Variants in EYA2 observed in about 807,000 individuals in gnomAD.
EYA2 encodes the protein EYA transcriptional coactivator and phosphatase 2.
Under a neutral mutation model 69.2 loss-of-function variants are expected in EYA2, and 31 were observed. The observed-to-expected ratio is 0.45, with a 90% CI of 0.34 to 0.60. The LOEUF (loss-of-function observed/expected upper bound fraction) is 0.60, where lower values mean the gene tolerates loss of function less well. Ranked by LOEUF, EYA2 falls within the 20% of genes least tolerant of loss-of-function variation. The probability of loss-of-function intolerance (pLI) is 0.02; values close to 1 mark genes in which losing one functional copy is unlikely to be tolerated. For missense variants in EYA2, 622 were observed against 701.2 expected, an observed-to-expected ratio of 0.89 and a Z score of 1.28; for synonymous variants, 257 against 279.4, an observed-to-expected ratio of 0.92 and a Z score of 0.80.
chr20:47,062,431 C>T (rs576016017), intron 5 of EYA2, among the ~76,000 whole-genome samples: 1 of 152,254 alleles, frequency 6.6e-6, no homozygotes, highest in South Asian at 2.1e-4. Context: ...CGCAGGCAGG[C>T]GCTGGCTCTT....
At chr20:47,045,529 G>A (rs1446588602) in intron 5 of EYA2, among the ~76,000 whole-genome samples, 1 of 152,222 alleles carries the variant, frequency 6.6e-6, no homozygotes, top group Non-Finnish European at 1.5e-5. Flanking sequence ...TTGAAGGTCA[G>A]CCTACCACAT....
intron 3 of EYA2, among the ~76,000 whole-genome samples, chr20:47,001,783 CATTCT>C (rs1982392128): frequency 1.8e-5 from 1 of 57,112 alleles, no homozygotes; most frequent in Admixed American, 1.2e-4. Flanking sequence ...TTCTTCTCTT[CATTCT>C]TTTTTTTTTT....
At chr20:47,169,924 A>T (rs2034284696) in intron 11 of EYA2, among the ~76,000 whole-genome samples, 1 of 151,498 alleles carries the variant, frequency 6.6e-6, no homozygotes, top group Non-Finnish European at 1.5e-5. Flanking sequence ...CTTTTTTTTG[A>T]GGCTGACTTT....
intron 1 of EYA2, among the ~76,000 whole-genome samples, chr20:46,988,204 GGC>G (rs953608012): frequency 1.3e-5 from 2 of 149,658 alleles, no homozygotes; most frequent in African/African-American, 2.5e-5. Flanking sequence ...TGGTGTCCAT[GGC>G]GGGGGGCGGG....
At chr20:47,093,782 A>G (rs564900907) in intron 8 of EYA2, among the ~76,000 whole-genome samples, 33 of 152,346 alleles carry the variant, frequency 2.2e-4, no homozygotes, top group African/African-American at 7.5e-4. Flanking sequence ...CAAGCCAAGT[A>G]TGAACTACAC....
chr20:47,017,253 G>A (rs77934998), intron 5 of EYA2, among the ~76,000 whole-genome samples: 2,221 of 152,254 alleles, frequency 0.015, 51 homozygotes, highest in African/African-American at 0.049. Context: ...TATATAAGCT[G>A]CTAAAAATTA....
intron 5 of EYA2, among the ~76,000 whole-genome samples, chr20:47,023,043 TA>T (rs796506096): frequency 2.2e-4 from 32 of 147,968 alleles, no homozygotes; most frequent in African/African-American, 3.7e-4. Context: ...CCTTTTGTAA[TA>T]AAAAAAAAAG....
intron 3 of EYA2, among the ~76,000 whole-genome samples, chr20:47,001,799 T>TAA (rs1555811254): frequency 6.6e-6 from 1 of 150,826 alleles, no homozygotes; most frequent in Non-Finnish European, 1.5e-5. Flanking sequence ...TTTTTTTTTT[T>TAA]TTATTCTTTT....
intron 10 of EYA2, among the ~76,000 whole-genome samples, chr20:47,149,955 T>A (rs2033790881): frequency 1.3e-5 from 2 of 152,214 alleles, no homozygotes; most frequent in African/African-American, 4.8e-5. Context: ...CTCCCTTGCC[T>A]TAGCAGGCAA....
chr20:47,041,110 T>A (rs1985039016), intron 5 of EYA2, among the ~76,000 whole-genome samples: 1 of 152,100 alleles, frequency 6.6e-6, no homozygotes, highest in Non-Finnish European at 1.5e-5. Context: ...AGGTCCCTGC[T>A]CCTCCTGCCA....
chr20:47,032,112 A>C (rs1350842634), intron 5 of EYA2, among the ~76,000 whole-genome samples: 1 of 152,204 alleles, frequency 6.6e-6, no homozygotes, highest in African/African-American at 2.4e-5. Flanking sequence ...CAGTTCAGAG[A>C]GGAGGCACAG....
At chr20:46,977,028 T>C (rs912668331) in intron 1 of EYA2, among the ~76,000 whole-genome samples, 1 of 152,214 alleles carries the variant, frequency 6.6e-6, no homozygotes, top group Admixed American at 6.5e-5. Context: ...TAGATTTCTG[T>C]GTCATGGCAT....
chr20:47,136,702 C>T (rs1600734667), intron 9 of EYA2, among the ~76,000 whole-genome samples: 1 of 150,190 alleles, frequency 6.7e-6, no homozygotes, highest in Non-Finnish European at 1.5e-5. Flanking sequence ...ATGGTCACAC[C>T]ACTGCACCCC....
chr20:47,169,398 C>T (rs908855532), intron 11 of EYA2, among the ~76,000 whole-genome samples: 17 of 152,216 alleles, frequency 1.1e-4, no homozygotes, highest in Admixed American at 3.9e-4. Context: ...GTAATCCCAG[C>T]ACTTTGGGAG....
In EYA2 at chr20:46,948,244, A is replaced by G. The variant is rs533640606; in HGVS notation, c.-10-41757A>G. Among the ~76,000 whole-genome samples, 4 of 152,360 alleles carry G rather than the reference A, an allele frequency of 2.6e-5. No homozygotes were observed. The East Asian group carries it at 5.8e-4, about 22-fold the overall frequency. On this transcript the variant is annotated intron_variant, in intron 1 of 15. Coordinates refer to ENST00000327619, the MANE Select transcript of EYA2 (RefSeq NM_005244.5). ...TATTTTTGGCTTTGCGGGCCATACC[A>G]TCTCTGTCACAACTATTCAGTGCAG...
chr20:47,181,191 A>G (rs969248286), intron 14 of EYA2, among the ~76,000 whole-genome samples: 1 of 152,328 alleles, frequency 6.6e-6, no homozygotes, highest in South Asian at 2.1e-4. Flanking sequence ...TGTAACAAAC[A>G]CACCCCAAAT....
intron 12 of EYA2, among the ~76,000 whole-genome samples, chr20:47,177,835 G>T (rs1354240321): frequency 6.6e-6 from 1 of 152,272 alleles, no homozygotes; most frequent in Non-Finnish European, 1.5e-5. Flanking sequence ...AGACTGACTT[G>T]GTCCCTGCCC....
intron 5 of EYA2, among the ~76,000 whole-genome samples, chr20:47,019,374 GC>G (rs1249068565): frequency 6.6e-6 from 1 of 152,212 alleles, no homozygotes; most frequent in African/African-American, 2.4e-5. Context: ...TCTTGAGACA[GC>G]CCAGGCATTT....
At chr20:47,122,289 GTTT>G (rs1180670988) in intron 9 of EYA2, among the ~76,000 whole-genome samples, 4 of 110,866 alleles carry the variant, frequency 3.6e-5, no homozygotes, top group African/African-American at 1.2e-4. Context: ...TATTTTCTTG[GTTT>G]TTTTTTTTTT....
Sources: gnomAD v4.1 joint callset for allele counts (sites outside exome capture counted in the v4.1 genomes callset) on GRCh38, gnomAD v4.1.1 for gene constraint, MANE v1.5 for transcripts, NCBI Gene and HGNC (gene_info 2026-07-23, HGNC 2026-07-21) for gene names.